KLHL2: variants seen among roughly 807,000 people sequenced by gnomAD.
KLHL2 encodes kelch-like protein 2.
Under a neutral mutation model 75.8 loss-of-function variants are expected in KLHL2, and 15 were observed. The observed-to-expected ratio is 0.20, with a 90% CI of 0.13 to 0.30. KLHL2 has a LOEUF of 0.30. Among genes scored for constraint, KLHL2 ranks in the 10% least tolerant of loss-of-function variants. KLHL2 has a pLI of 1.00. For missense variants in KLHL2, 381 were observed against 741.0 expected (o/e 0.51, Z 5.64); for synonymous variants, 214 against 251.9 (o/e 0.85, Z 1.42).
At chr4:165,297,922 C>A (rs1261581793) in intron 7 of KLHL2, among the ~76,000 whole-genome samples, 197 bp downstream of exon 7, 1 of 152,184 alleles carries the variant, frequency 6.6e-6, no homozygotes, top group Non-Finnish European at 1.5e-5. Context: ...CTCCCGGGCT[C>A]AAGTGATTCT....
intron 9 of KLHL2, among the ~76,000 whole-genome samples, chr4:165,306,659 G>A (rs1258475645): frequency 2.0e-5 from 3 of 152,174 alleles, no homozygotes; most frequent in Non-Finnish European, 2.9e-5. Flanking sequence ...GGTGAAAAAT[G>A]CCTTAATTTG....
chr4:165,224,261 A>G lies in KLHL2; in HGVS notation c.152+4202A>G, dbSNP rs185434603. Reference sequence around the variant, plus strand: ...AAAAACCTACTGTTTTTTAGGCTATAGGATAAGACTGTACTTGAGCTTTAA... The same window carrying G: ...AAAAACCTACTGTTTTTTAGGCTATGGGATAAGACTGTACTTGAGCTTTAA... On this transcript the variant is annotated intron_variant, in intron 2 of 14. Coordinates refer to ENST00000226725, the MANE Select transcript of KLHL2 (RefSeq NM_007246.4). 8.5e-4 allele frequency among the ~76,000 whole-genome samples: 129 copies of G among 152,196 alleles called. 1 individual carries two copies. The highest frequency in any genetic ancestry group is 2.9e-3 in the African/African-American group (122 of 41,542).
At chr4:165,303,985 C>T (rs1745543403) in intron 8 of KLHL2, among the ~76,000 whole-genome samples, 1 of 152,142 alleles carries the variant, frequency 6.6e-6, no homozygotes, top group Non-Finnish European at 1.5e-5. Context: ...AAGTGATTCC[C>T]ATGCCTCAGC....
At chr4:165,320,947 G>T (rs184211315) in intron 14 of KLHL2, among the ~76,000 whole-genome samples, 12 of 152,236 alleles carry the variant, frequency 7.9e-5, no homozygotes, top group African/African-American at 2.6e-4. Flanking sequence ...CTTAACCACT[G>T]CCAGACAATG....
At chr4:165,307,988 T>G (rs1579174009) in intron 9 of KLHL2, among the ~76,000 whole-genome samples, 3 of 152,322 alleles carry the variant, frequency 2.0e-5, no homozygotes, top group Admixed American at 2.0e-4. Flanking sequence ...GTATTAAATT[T>G]CCACATTTAC....
At chr4:165,290,651 A>C (rs1744440435) in intron 5 of KLHL2, among the ~76,000 whole-genome samples, 1 of 152,188 alleles carries the variant, frequency 6.6e-6, no homozygotes, top group African/African-American at 2.4e-5. Context: ...GTACTTTTGC[A>C]ATTAATCATG....
rs1737851893 is a variant in KLHL2 at position 165,219,945 on chromosome 4, A to G, written c.38A>G (p.Gln13Arg). The G allele has an allele frequency of 6.2e-7, 1 of 1,613,256 alleles. No homozygotes were observed. The highest frequency in any genetic ancestry group is 1.7e-5 in the Admixed American group (1 of 59,856). Reference sequence around the variant, plus strand: ...TCTTTTATGTACAGATGCACAAAGCAGGGTCATCAGAAGCCTCTCGATTCA... The same window carrying G: ...TCTTTTATGTACAGATGCACAAAGCGGGGTCATCAGAAGCCTCTCGATTCA... ...TPPLPPACTKQGHQKPLDSKD... is the reference protein window; with the variant it reads ...TPPLPPACTKRGHQKPLDSKD... Residue 13 changes from glutamine to arginine, a missense_variant, in exon 2 of 15, where the codon CAG becomes CGG. Around this residue, in one of 5 missense-constraint regions of KLHL2, gnomAD observed 48 missense variants for 88.9 expected, o/e 0.54. Coordinates refer to ENST00000226725, the MANE Select transcript of KLHL2 (RefSeq NM_007246.4).
intron 5 of KLHL2, among the ~76,000 whole-genome samples, chr4:165,273,450 G>C (rs931024835): frequency 1.3e-5 from 2 of 152,100 alleles, no homozygotes; most frequent in African/African-American, 4.8e-5. Flanking sequence ...GTTTGATATG[G>C]TTTGGCTATG....
intron 14 of KLHL2, chr4:165,321,280 G>A: frequency 2.2e-6 from 1 of 455,990 alleles, no homozygotes; most frequent in South Asian, 1.6e-5. Context: ...GAAACAACAA[G>A]ACCAACCTCT....
At chr4:165,308,639 C>A (rs545830367) in intron 9 of KLHL2, among the ~76,000 whole-genome samples, 1 of 152,090 alleles carries the variant, frequency 6.6e-6, no homozygotes, top group African/African-American at 2.4e-5. Flanking sequence ...ATTCTCTAAA[C>A]CTTGGTAAGC....
intron 14 of KLHL2, among the ~76,000 whole-genome samples, chr4:165,320,845 G>A (rs1405127039): frequency 3.3e-5 from 5 of 152,188 alleles, no homozygotes; most frequent in Non-Finnish European, 5.9e-5. Flanking sequence ...ATGGTGAAGG[G>A]TTTCAAGGTA....
chr4:165,236,092 G>A (rs1342202020), intron 3 of KLHL2, among the ~76,000 whole-genome samples: 2 of 152,062 alleles, frequency 1.3e-5, no homozygotes, highest in Non-Finnish European at 2.9e-5. Flanking sequence ...GATCCCCAAT[G>A]GTGAGAAGGT....
At chr4:165,310,184 G>C (rs1746046980) in intron 9 of KLHL2, among the ~76,000 whole-genome samples, 1 of 152,142 alleles carries the variant, frequency 6.6e-6, no homozygotes, top group Non-Finnish European at 1.5e-5. Context: ...AATTAGTTGG[G>C]TGTGGTGGCG....
intron 4 of KLHL2, chr4:165,240,395 G>A (rs536936047): frequency 6.6e-6 from 1 of 152,204 alleles, no homozygotes; most frequent in Non-Finnish European, 1.5e-5. Flanking sequence ...AATACTGGCA[G>A]TAGTAAGGCC....
chr4:165,305,460 G>A, intron 8 of KLHL2, 148 bp from the exon 9 acceptor site: 1 of 629,914 alleles, frequency 1.6e-6, no homozygotes, highest in Non-Finnish European at 2.9e-6. Context: ...TTTATGAAAT[G>A]TTGGTTAGGT....
chr4:165,290,894 G>C lies in KLHL2; in HGVS notation c.545-3465G>C, dbSNP rs567221975. 2.0e-5 allele frequency among the ~76,000 whole-genome samples: 3 copies of C among 152,294 alleles called. No homozygotes were observed. In the East Asian group the frequency reaches 5.8e-4, roughly 29 times the overall value. ...AGTCAGGAGAATCGCTTGAACCCAG[G>C]GGGTGGAGTTTGTTTGATTTTGGAA... is the stretch of plus-strand genomic sequence containing the variant. On this transcript the variant is annotated intron_variant, in intron 5 of 14. Coordinates refer to ENST00000226725, the MANE Select transcript of KLHL2 (RefSeq NM_007246.4).
intron 1 of KLHL2, among the ~76,000 whole-genome samples, chr4:165,212,285 TAATAAG>T (rs1357349979): frequency 1.3e-5 from 2 of 152,120 alleles, no homozygotes; most frequent in African/African-American, 4.8e-5. Context: ...GGGTAGAGAA[TAATAAG>T]AATAATAGTT....
intron 4 of KLHL2, among the ~76,000 whole-genome samples, chr4:165,259,954 C>G (rs1410247230): frequency 6.6e-6 from 1 of 151,568 alleles, no homozygotes; most frequent in Non-Finnish European, 1.5e-5. Context: ...TGCAGGGTGA[C>G]AGCTGTTTGA....
intron 9 of KLHL2, among the ~76,000 whole-genome samples, chr4:165,310,241 T>A (rs550475204): frequency 1.3e-5 from 2 of 152,082 alleles, no homozygotes; most frequent in Non-Finnish European, 2.9e-5. Flanking sequence ...AGGAGAATGG[T>A]GTGAACACGG....
Sources: gnomAD v4.1 joint callset for allele counts (sites outside exome capture counted in the v4.1 genomes callset) on GRCh38, gnomAD v4.1.1 for gene constraint, gnomAD v4.1.1 regional missense constraint, MANE v1.5 for transcripts, NCBI Gene and HGNC (gene_info 2026-07-23, HGNC 2026-07-21) for gene names.